NR3C2: variants seen among roughly 807,000 people sequenced by gnomAD.
NR3C2 encodes the protein nuclear receptor subfamily 3 group C member 2, also known as mineralocorticoid receptor.
In NR3C2, 15 loss-of-function variants were observed where a neutral mutation model predicts 86.4. The ratio of observed to expected loss-of-function variants is 0.17; its 90% CI spans 0.12 to 0.27. NR3C2 has a LOEUF of 0.27. Among genes scored for constraint, NR3C2 ranks in the 10% least tolerant of loss-of-function variants. NR3C2 has a pLI of 1.00. For missense variants in NR3C2, 960 were observed against 1,195.6 expected (o/e 0.80, Z 2.91); for synonymous variants, 458 against 450.5 (o/e 1.02, Z -0.21).
At chr4:148,426,818 C>T (rs905687628) in intron 2 of NR3C2, among the ~76,000 whole-genome samples, 2 of 152,172 alleles carry the variant, frequency 1.3e-5, no homozygotes, top group East Asian at 3.8e-4. Context: ...GAAGAGGCCT[C>T]CCTGACCTCC....
chr4:148,127,074 A>T (rs1309096177), intron 6 of NR3C2, among the ~76,000 whole-genome samples: 4 of 152,176 alleles, frequency 2.6e-5, no homozygotes, highest in Admixed American at 1.3e-4. Flanking sequence ...ATGTGGTAAC[A>T]TTTTGTGTTT....
intron 3 of NR3C2, among the ~76,000 whole-genome samples, chr4:148,223,215 T>C (rs1423811636): frequency 6.6e-6 from 1 of 152,080 alleles, no homozygotes; most frequent in Admixed American, 6.6e-5. Context: ...CGAATATTCC[T>C]CACGTCCCCT....
At chr4:148,408,707 A>T (rs1748541046) in intron 2 of NR3C2, among the ~76,000 whole-genome samples, 1 of 152,228 alleles carries the variant, frequency 6.6e-6, no homozygotes, top group Admixed American at 6.5e-5. Flanking sequence ...AGTAGAAAAC[A>T]GAAAATAAAA....
At chr4:148,086,509 C>T (rs1730819885) in intron 8 of NR3C2, among the ~76,000 whole-genome samples, 1 of 152,196 alleles carries the variant, frequency 6.6e-6, no homozygotes, top group Admixed American at 6.5e-5. Context: ...CTGAGGTGGG[C>T]GGATCACTTG....
intron 2 of NR3C2, among the ~76,000 whole-genome samples, chr4:148,314,756 A>C (rs1743079799): frequency 6.6e-6 from 1 of 152,196 alleles, no homozygotes; most frequent in Non-Finnish European, 1.5e-5. Context: ...TTGAAATTGA[A>C]AGACTTCCAT....
At chr4:148,415,447 T>G (rs1748945342) in intron 2 of NR3C2, among the ~76,000 whole-genome samples, 1 of 152,236 alleles carries the variant, frequency 6.6e-6, no homozygotes, top group South Asian at 2.1e-4. Flanking sequence ...CATGCTTGCT[T>G]TTCAGATTAT....
intron 6 of NR3C2, among the ~76,000 whole-genome samples, chr4:148,130,363 A>G (rs904768823): frequency 2.6e-5 from 4 of 152,222 alleles, no homozygotes; most frequent in African/African-American, 9.6e-5. Context: ...GTACAATGAC[A>G]TTTTTAAACG....
At chr4:148,312,163 G>A (rs776260692) in intron 2 of NR3C2, among the ~76,000 whole-genome samples, 42 of 152,254 alleles carry the variant, frequency 2.8e-4, no homozygotes, top group Non-Finnish European at 4.3e-4. Context: ...GGAATTCTGC[G>A]AGCTAGTCAT....
At chr4:148,148,189 A>C (rs1265614309) in intron 6 of NR3C2, among the ~76,000 whole-genome samples, 1 of 151,334 alleles carries the variant, frequency 6.6e-6, no homozygotes, top group Non-Finnish European at 1.5e-5. Context: ...TCCCTATCCC[A>C]GTGAGGGGCA....
intron 2 of NR3C2, among the ~76,000 whole-genome samples, chr4:148,318,782 T>C (rs1188746586): frequency 6.6e-6 from 1 of 152,226 alleles, no homozygotes; most frequent in African/African-American, 2.4e-5. Context: ...ATTAGTCCTT[T>C]GTCAGATGAG....
At chr4:148,312,517 G>A (rs1229128997) in intron 2 of NR3C2, among the ~76,000 whole-genome samples, 1 of 152,130 alleles carries the variant, frequency 6.6e-6, no homozygotes, top group African/African-American at 2.4e-5. Flanking sequence ...CTCTGCTATG[G>A]ATATATCCTA....
chr4:148,354,056 A>G (rs1745432102), intron 2 of NR3C2, among the ~76,000 whole-genome samples: 1 of 152,122 alleles, frequency 6.6e-6, no homozygotes, highest in African/African-American at 2.4e-5. Flanking sequence ...CCCTTTAACA[A>G]TGGGTTGGAA....
chr4:148,291,810 G>A (rs1005974054), intron 2 of NR3C2, among the ~76,000 whole-genome samples: 1 of 152,054 alleles, frequency 6.6e-6, no homozygotes, highest in Non-Finnish European at 1.5e-5. Context: ...TGAAAACACT[G>A]TAAACTGAAA....
intron 2 of NR3C2, among the ~76,000 whole-genome samples, chr4:148,344,338 G>A (rs976999544): frequency 2.6e-5 from 4 of 152,114 alleles, no homozygotes; most frequent in Non-Finnish European, 5.9e-5. Context: ...TAACGACAAA[G>A]ATAATAAATC....
At chr4:148,152,895 C>A (rs564562029) in intron 5 of NR3C2, among the ~76,000 whole-genome samples, 7 of 152,140 alleles carry the variant, frequency 4.6e-5, no homozygotes, top group Non-Finnish European at 1.0e-4. Context: ...CAGCCTAAAA[C>A]CCTTGGTTAG....
intron 4 of NR3C2, among the ~76,000 whole-genome samples, chr4:148,159,660 C>G (rs976871885): frequency 6.6e-6 from 1 of 152,222 alleles, no homozygotes; most frequent in African/African-American, 2.4e-5. Context: ...AACCTCTATG[C>G]TACACGCAGT....
At chr4:148,427,775 C>G (rs1047025683) in intron 2 of NR3C2, among the ~76,000 whole-genome samples, 1 of 151,974 alleles carries the variant, frequency 6.6e-6, no homozygotes, top group South Asian at 2.1e-4. Flanking sequence ...ACAAGATGGG[C>G]CTAAAGCAAG....
chr4:148,441,464 T>C (rs1179671243), intron 1 of NR3C2, among the ~76,000 whole-genome samples: 1 of 152,250 alleles, frequency 6.6e-6, no homozygotes, highest in Non-Finnish European at 1.5e-5. Context: ...ATCAAAAGTT[T>C]TCCTAACTCC....
At chr4:148,356,518 C>T (rs1745556111) in intron 2 of NR3C2, among the ~76,000 whole-genome samples, 1 of 152,134 alleles carries the variant, frequency 6.6e-6, no homozygotes, top group Non-Finnish European at 1.5e-5. Context: ...TATTAAGCCA[C>T]AATTTTCTAC....
Sources: gnomAD v4.1 joint callset for allele counts (sites outside exome capture counted in the v4.1 genomes callset) on GRCh38, gnomAD v4.1.1 for gene constraint, MANE v1.5 for transcripts, NCBI Gene and HGNC (gene_info 2026-07-23, HGNC 2026-07-21) for gene names.